The following SYT1 variants were observed in gnomAD, a reference collection of about 807,000 sequenced individuals.
The protein encoded by SYT1 is synaptotagmin-1.
A neutral mutation model predicts 44.8 loss-of-function variants in SYT1; 8 were observed. The observed-to-expected ratio is 0.18, with a 90% CI of 0.10 to 0.32. The LOEUF is 0.32. Ranked by LOEUF, SYT1 falls within the 10% of genes least tolerant of loss-of-function variation. SYT1 has a pLI of 1.00. For missense variants in SYT1, 286 were observed against 509.3 expected, an observed-to-expected ratio of 0.56 and a Z score of 4.22; for synonymous variants, 154 against 188.8, an observed-to-expected ratio of 0.82 and a Z score of 1.51.
At chr12:79,418,129 A>G (rs1868871333) in intron 9 of SYT1, among the ~76,000 whole-genome samples, 1 of 152,128 alleles carries the variant, frequency 6.6e-6, no homozygotes, top group African/African-American at 2.4e-5. Context: ...TTACTTGGTT[A>G]TAGGTCTGTC....
chr12:79,249,145 C>T (rs1180898086), intron 4 of SYT1, among the ~76,000 whole-genome samples: 2 of 139,680 alleles, frequency 1.4e-5, no homozygotes, highest in Non-Finnish European at 3.0e-5. Flanking sequence ...TCGCCCAGGC[C>T]GGACTGCGGA....
At position 79,300,897 on chromosome 12, in the gene SYT1, T is replaced by C. The variant is rs551832383; in HGVS notation, c.810+1346T>C. Among the ~76,000 whole-genome samples the C allele has an allele frequency of 1.1e-3, 169 of 148,312 alleles. 2 individuals carry two copies. The highest frequency in any genetic ancestry group is 3.9e-3 in the African/African-American group (159 of 40,700). On this transcript the variant is annotated intron_variant, in intron 8 of 10. Coordinates refer to ENST00000261205, the MANE Select transcript of SYT1 (RefSeq NM_005639.3). ...GACACAGATTTAGCCCTACTGTGGA[T>C]ATTCAAGAATACCCAGGAAAAATAC... is the stretch of plus-strand genomic sequence containing the variant.
chr12:78,884,162 A>C (rs1874609453), intron 1 of SYT1, among the ~76,000 whole-genome samples: 1 of 151,720 alleles, frequency 6.6e-6, no homozygotes, highest in Non-Finnish European at 1.5e-5. Flanking sequence ...TTGCATTTGC[A>C]AACATCACAT....
chr12:78,931,231 GAAAGAAA>G lies in SYT1; in HGVS notation c.-216-46567_-216-46561del, dbSNP rs1324425978. Among the ~76,000 whole-genome samples the G allele has an allele frequency of 7.8e-3, 493 of 62,970 alleles. 21 individuals carry two copies. The highest frequency in any genetic ancestry group is 0.033 in the African/African-American group (368 of 11,142). The allele number at this position is 62,970 out of a possible 152,430, so 41.3% of individuals were successfully genotyped here. On this transcript the variant is annotated intron_variant, in intron 1 of 10. Coordinates refer to ENST00000261205, the MANE Select transcript of SYT1 (RefSeq NM_005639.3). Reference sequence around the variant, plus strand: ...AGAAAGAAAGAAAGAAAGAAAGAAAGAAAGAAAGAAGGAAGGAAGGAAGGAAGGAAGG... The same window carrying G: ...AGAAAGAAAGAAAGAAAGAAAGAAAGGAAGGAAGGAAGGAAGGAAGGAAGG...
chr12:79,429,874 A>G (rs998820687), intron 9 of SYT1, among the ~76,000 whole-genome samples: 4 of 152,216 alleles, frequency 2.6e-5, no homozygotes, highest in African/African-American at 9.6e-5. Context: ...TGTGATTTAC[A>G]AAAGTCTACA....
intron 1 of SYT1, among the ~76,000 whole-genome samples, chr12:78,869,776 T>C (rs1386280106): frequency 2.6e-5 from 4 of 152,064 alleles, no homozygotes; most frequent in African/African-American, 9.6e-5. Context: ...CTAATTTTTA[T>C]ATTTATTTAA....
intron 1 of SYT1, among the ~76,000 whole-genome samples, chr12:78,927,331 A>G (rs1877358622): frequency 6.6e-6 from 1 of 152,086 alleles, no homozygotes. Flanking sequence ...TGAACCCCAG[A>G]TTTCCTTGGG....
chr12:78,998,935 A>G (rs1315681391), intron 2 of SYT1, among the ~76,000 whole-genome samples: 3 of 152,132 alleles, frequency 2.0e-5, no homozygotes, highest in Non-Finnish European at 2.9e-5. Flanking sequence ...ATTGACAGAA[A>G]TTTTCATTCT....
At chr12:78,974,731 C>T (rs906262273) in intron 1 of SYT1, among the ~76,000 whole-genome samples, 1 of 152,104 alleles carries the variant, frequency 6.6e-6, no homozygotes, top group Non-Finnish European at 1.5e-5. Flanking sequence ...CCACCGCCCC[C>T]GGCCCTGAAA....
chr12:78,894,179 C>T (rs1056374492), intron 1 of SYT1, among the ~76,000 whole-genome samples: 3 of 151,370 alleles, frequency 2.0e-5, no homozygotes, highest in East Asian at 1.9e-4. Flanking sequence ...CCCCATCAGT[C>T]CTGCTCACTG....
intron 3 of SYT1, among the ~76,000 whole-genome samples, chr12:79,185,065 A>C (rs527867532): frequency 6.6e-6 from 1 of 152,150 alleles, no homozygotes; most frequent in African/African-American, 2.4e-5. Flanking sequence ...GGCTCTCTCC[A>C]CTATGAATTG....
At chr12:79,409,123 A>G (rs1028803745) in intron 9 of SYT1, among the ~76,000 whole-genome samples, 1 of 152,162 alleles carries the variant, frequency 6.6e-6, no homozygotes, top group African/African-American at 2.4e-5. Flanking sequence ...TATATAACCC[A>G]GCATACTGTC....
chr12:79,441,592 G>C (rs1328387014), intron 9 of SYT1, among the ~76,000 whole-genome samples: 1 of 152,088 alleles, frequency 6.6e-6, no homozygotes, highest in Non-Finnish European at 1.5e-5. Flanking sequence ...TGGGATTACA[G>C]GTATGAGCCA....
chr12:79,264,332 A>G (rs895257615), intron 4 of SYT1, among the ~76,000 whole-genome samples: 2 of 151,612 alleles, frequency 1.3e-5, no homozygotes, highest in African/African-American at 4.9e-5. Flanking sequence ...GGCGCCCACC[A>G]CCACACCTGG....
chr12:79,426,867 T>A (rs1443014967), intron 9 of SYT1, among the ~76,000 whole-genome samples: 1 of 152,164 alleles, frequency 6.6e-6, no homozygotes, highest in Non-Finnish European at 1.5e-5. Context: ...GGTAATTGAA[T>A]CATTGGGGGA....
In SYT1 at chr12:79,113,244, A is replaced by G. The variant is rs543897933; in HGVS notation, c.-18+65882A>G. Reference sequence around the variant, plus strand: ...GCTAATAATGACCATAACAATTGGCATCTCTAAACAACATAGAAGGTCAAC... The same window carrying G: ...GCTAATAATGACCATAACAATTGGCGTCTCTAAACAACATAGAAGGTCAAC... On this transcript the variant is annotated intron_variant, in intron 3 of 10. Coordinates refer to ENST00000261205, the MANE Select transcript of SYT1 (RefSeq NM_005639.3). Among the ~76,000 whole-genome samples, 22 of 152,306 alleles carry G rather than the reference A, an allele frequency of 1.4e-4. No homozygotes were observed. In the East Asian group the frequency reaches 4.1e-3, roughly 28 times the overall value.
At chr12:79,293,279 G>A (rs78582377) in intron 6 of SYT1, among the ~76,000 whole-genome samples, 93 of 150,498 alleles carry the variant, frequency 6.2e-4, no homozygotes, top group African/African-American at 2.0e-3. Flanking sequence ...AGCCGAGATC[G>A]TGCCACTGCA....
rs142707533 is a variant in SYT1 at position 78,985,338 on chromosome 12, T to A, written c.-84+7407T>A. Reference sequence around the variant, plus strand: ...CAATTTTCTAGGTGATAAGTTATTATACGATTTTGTTATTTAACTGTAAGC... The same window carrying A: ...CAATTTTCTAGGTGATAAGTTATTAAACGATTTTGTTATTTAACTGTAAGC... On this transcript the variant is annotated intron_variant, in intron 2 of 10. Transcript: ENST00000261205. Among the ~76,000 whole-genome samples, 689 of 152,082 alleles carry A rather than the reference T, an allele frequency of 4.5e-3. 5 individuals are homozygous for A. The highest frequency in any genetic ancestry group is 0.015 in the African/African-American group (640 of 41,558).
intron 8 of SYT1, among the ~76,000 whole-genome samples, chr12:79,314,168 CAAAA>C (rs34951756): frequency 4.5e-5 from 3 of 67,298 alleles, no homozygotes; most frequent in Non-Finnish European, 2.8e-5. Flanking sequence ...GACTCCGTCT[CAAAA>C]AAAAAAAAAA....
Sources: gnomAD v4.1 joint callset for allele counts (sites outside exome capture counted in the v4.1 genomes callset) on GRCh38, gnomAD v4.1.1 for gene constraint, MANE v1.5 for transcripts, NCBI Gene and HGNC (gene_info 2026-07-23, HGNC 2026-07-21) for gene names.